ADCY8: variants seen among roughly 807,000 people sequenced by gnomAD.
ADCY8 encodes adenylate cyclase type 8.
In ADCY8, 51 loss-of-function variants were observed where a neutral mutation model predicts 119.7. That is an observed-to-expected ratio of 0.43 (90% CI 0.34 to 0.54). The LOEUF (loss-of-function observed/expected upper bound fraction) is 0.54. Among genes scored for constraint, ADCY8 ranks in the 20% least tolerant of loss-of-function variants. The pLI, the probability that ADCY8 is intolerant of heterozygous loss-of-function variation, is 0.03. For missense variants in ADCY8, 1,383 were observed against 1,598.8 expected (o/e 0.87, Z 2.30); for synonymous variants, 665 against 651.0 (o/e 1.02, Z -0.33).
At chr8:130,865,638 A>G (rs1036232244) in intron 9 of ADCY8, among the ~76,000 whole-genome samples, 1 of 152,184 alleles carries the variant, frequency 6.6e-6, no homozygotes, top group African/African-American at 2.4e-5. Context: ...TAGAAAGAGC[A>G]TGGTTCAGAG....
chr8:130,876,713 AG>A (rs931133398), intron 8 of ADCY8, among the ~76,000 whole-genome samples: 2 of 142,010 alleles, frequency 1.4e-5, no homozygotes, highest in South Asian at 2.1e-4. Context: ...GTGTGTGTGT[AG>A]GGGGGCAGGG....
At chr8:130,847,565 A>C in intron 10 of ADCY8, 52 bp from the exon 11 acceptor site, 1 of 1,475,918 alleles carries the variant, frequency 6.8e-7, no homozygotes, top group Non-Finnish European at 9.3e-7. Flanking sequence ...AACAGGAACA[A>C]CAAAGTCAGT....
rs559978318 is a variant in ADCY8, at chr8:130,885,463, G to A, written c.1912-702C>T. On this transcript the variant is annotated intron_variant, in intron 7 of 17. Coordinates refer to ENST00000286355, the MANE Select transcript of ADCY8 (RefSeq NM_001115.3). Reference sequence around the variant, plus strand: ...GGTTACACAGCACGAGACGGGGAAAGGCATAACCACCACGGCTGGTCACTG... The same window carrying A: ...GGTTACACAGCACGAGACGGGGAAAAGCATAACCACCACGGCTGGTCACTG... Among the ~76,000 whole-genome samples the A allele has an allele frequency of 2.0e-5, 3 of 152,134 alleles. No homozygotes were observed. The East Asian group carries it at 5.8e-4, about 29-fold the overall frequency.
At chr8:130,895,147 T>A (rs117299167) in intron 7 of ADCY8, among the ~76,000 whole-genome samples, 3,306 of 152,254 alleles carry the variant, frequency 0.022, 75 homozygotes, top group South Asian at 0.08. Context: ...TCTTCCTACC[T>A]ATCTTCTCAT....
At chr8:130,785,714 C>G (rs1384638357) in intron 15 of ADCY8, among the ~76,000 whole-genome samples, 1 of 152,166 alleles carries the variant, frequency 6.6e-6, no homozygotes, top group Non-Finnish European at 1.5e-5. Flanking sequence ...GTAGGTCTGC[C>G]CCTTCACATG....
chr8:130,831,134 G>A (rs1816821802), intron 12 of ADCY8, among the ~76,000 whole-genome samples: 1 of 152,124 alleles, frequency 6.6e-6, no homozygotes, highest in South Asian at 2.1e-4. Flanking sequence ...CATATTATAA[G>A]GGCAATAATG....
chr8:130,844,603 C>T (rs1817242475), intron 11 of ADCY8, among the ~76,000 whole-genome samples: 1 of 152,180 alleles, frequency 6.6e-6, no homozygotes, highest in Admixed American at 6.5e-5. Flanking sequence ...TTAACTCTTT[C>T]AGAAGGTCTG....
chr8:130,918,301 C>T (rs1420388995), intron 5 of ADCY8, among the ~76,000 whole-genome samples: 2 of 152,118 alleles, frequency 1.3e-5, no homozygotes, highest in Non-Finnish European at 2.9e-5. Flanking sequence ...CCTACTGTGC[C>T]CCTACAAGGT....
At chr8:130,850,561 A>C (rs970629090) in intron 9 of ADCY8, among the ~76,000 whole-genome samples, 3 of 152,078 alleles carry the variant, frequency 2.0e-5, no homozygotes, top group African/African-American at 7.2e-5. Flanking sequence ...AACTCTGTGT[A>C]GCCATTCATG....
At chr8:131,013,771 A>T (rs11997256) in intron 1 of ADCY8, among the ~76,000 whole-genome samples, 2 of 152,090 alleles carry the variant, frequency 1.3e-5, no homozygotes, top group African/African-American at 2.4e-5. Flanking sequence ...CAACTTGCCA[A>T]GGGCTTGTTT....
intron 8 of ADCY8, among the ~76,000 whole-genome samples, chr8:130,882,014 C>T (rs1471754163): frequency 2.0e-5 from 3 of 151,974 alleles, no homozygotes; most frequent in Non-Finnish European, 4.4e-5. Context: ...GGGGTTGTCC[C>T]ACTAGCCCCT....
At chr8:130,831,372 C>T (rs764540610) in intron 12 of ADCY8, among the ~76,000 whole-genome samples, 13 of 152,112 alleles carry the variant, frequency 8.5e-5, no homozygotes, top group Non-Finnish European at 1.5e-5. Flanking sequence ...AAGAGGAAGA[C>T]ATGAAAATTA....
At chr8:130,937,706 G>A (rs1278797505) in intron 4 of ADCY8, among the ~76,000 whole-genome samples, 7 of 152,176 alleles carry the variant, frequency 4.6e-5, no homozygotes, top group African/African-American at 1.7e-4. Flanking sequence ...TTTATGAGGA[G>A]GAACTAAGTC....
chr8:130,991,485 G>A (rs767629734), intron 1 of ADCY8, among the ~76,000 whole-genome samples: 41 of 152,204 alleles, frequency 2.7e-4, no homozygotes, highest in South Asian at 6.2e-4. Context: ...AAGACAGTAA[G>A]CAATTGAGTT....
chr8:130,859,537 C>A (rs574869726), intron 9 of ADCY8, among the ~76,000 whole-genome samples: 1 of 152,188 alleles, frequency 6.6e-6, no homozygotes, highest in East Asian at 1.9e-4. Context: ...CTACTTAGTA[C>A]ACCATTTTAC....
intron 11 of ADCY8, among the ~76,000 whole-genome samples, chr8:130,845,712 G>A (rs1817275421): frequency 6.6e-6 from 1 of 152,130 alleles, no homozygotes; most frequent in Non-Finnish European, 1.5e-5. Flanking sequence ...TCCTAAATGG[G>A]ACCTAGTCCC....
In ADCY8 at chr8:130,885,456, G is replaced by A. The variant is rs541627443; in HGVS notation, c.1912-695C>T. ...TTCACAGGGTTACACAGCACGAGAC[G>A]GGGAAAGGCATAACCACCACGGCTG... On this transcript the variant is annotated intron_variant, in intron 7 of 17. Coordinates refer to ENST00000286355, the MANE Select transcript of ADCY8 (RefSeq NM_001115.3). 9.2e-5 allele frequency among the ~76,000 whole-genome samples: 14 copies of A among 152,104 alleles called. No homozygotes were observed. The South Asian group carries it at 2.5e-3, about 27-fold the overall frequency.
intron 1 of ADCY8, among the ~76,000 whole-genome samples, chr8:131,036,968 T>A (rs1309061858): frequency 6.6e-6 from 1 of 152,164 alleles, no homozygotes; most frequent in Non-Finnish European, 1.5e-5. Flanking sequence ...GAGCATTCCT[T>A]ATGTGTTACC....
At chr8:130,789,053 A>C (rs1353201863) in intron 15 of ADCY8, among the ~76,000 whole-genome samples, 1 of 152,202 alleles carries the variant, frequency 6.6e-6, no homozygotes, top group Admixed American at 6.5e-5. Flanking sequence ...AGAATTATGA[A>C]GGTATGAATA....
Sources: gnomAD v4.1 joint callset for allele counts (sites outside exome capture counted in the v4.1 genomes callset) on GRCh38, gnomAD v4.1.1 for gene constraint, MANE v1.5 for transcripts, NCBI Gene and HGNC (gene_info 2026-07-23, HGNC 2026-07-21) for gene names.